The following ZBTB16 variants were observed in gnomAD, a reference collection of about 807,000 sequenced individuals.
ZBTB16 encodes the protein zinc finger and BTB domain-containing protein 16.
ZBTB16 carries 8 observed loss-of-function variants against 56.8 expected under a neutral mutation model. The ratio of observed to expected loss-of-function variants is 0.14; its 90% CI spans 0.08 to 0.25. The LOEUF (loss-of-function observed/expected upper bound fraction) is 0.25, where lower values mean the gene tolerates loss of function less well. Among genes scored for constraint, ZBTB16 ranks in the 10% least tolerant of loss-of-function variants. The pLI, the probability that ZBTB16 is intolerant of heterozygous loss-of-function variation, is 1.00. For synonymous variants in ZBTB16, 363 were observed against 368.5 expected, an observed-to-expected ratio of 0.98 and a Z score of 0.17; for missense variants, 625 against 903.0, an observed-to-expected ratio of 0.69 and a Z score of 3.95.
chr11:114,088,140 CTTTTTT>C (rs10695166), intron 2 of ZBTB16, among the ~76,000 whole-genome samples: 3 of 123,060 alleles, frequency 2.4e-5, no homozygotes, highest in Admixed American at 1.7e-4. Flanking sequence ...CCAGATACTT[CTTTTTT>C]TTTTTTTTTT....
chr11:114,201,403 C>G (rs768039775), intron 4 of ZBTB16, among the ~76,000 whole-genome samples: 5 of 152,086 alleles, frequency 3.3e-5, no homozygotes, highest in Admixed American at 1.3e-4. Flanking sequence ...CTGAGGAATC[C>G]GGGGACCAGT....
intron 2 of ZBTB16, among the ~76,000 whole-genome samples, chr11:114,154,969 A>G (rs1330273855): frequency 6.6e-6 from 1 of 152,112 alleles, no homozygotes; most frequent in Non-Finnish European, 1.5e-5. Flanking sequence ...GTCTTGACAC[A>G]CTGCTGGGTT....
At chr11:114,114,529 G>A (rs1406746616) in intron 2 of ZBTB16, among the ~76,000 whole-genome samples, 1 of 152,140 alleles carries the variant, frequency 6.6e-6, no homozygotes, top group African/African-American at 2.4e-5. Context: ...GTTTGTTTCA[G>A]TTCTTATCAA....
In ZBTB16 at chr11:114,063,405, T is replaced by C. The variant is rs1399330553; in HGVS notation, c.105T>C (p.Asp35=). 6.2e-7 allele frequency: 1 copy of C among 1,614,160 alleles called. No homozygotes were observed. Among genetic ancestry groups the C allele is most frequent in the South Asian group, 1.1e-5 (1 of 91,078 alleles). ...TGCGGCTGGCCGGGACTTTGTGCGATGTGGTCATCATGGTGGACAGCCAGG... is the reference window on the plus strand; with the variant it reads ...TGCGGCTGGCCGGGACTTTGTGCGACGTGGTCATCATGGTGGACAGCCAGG... ...NQMRLAGTLC[D]VVIMVDSQEF... is the part of the protein sequence containing the mutation. The change falls in exon 2 of 7, where the codon GAT becomes GAC. Residue 35 remains aspartate, a synonymous_variant. Coordinates refer to ENST00000335953, the MANE Select transcript of ZBTB16 (RefSeq NM_006006.6). The surrounding 1 kb of genome is among the most constrained non-coding windows in gnomAD (Gnocchi z 6.5).
At chr11:114,191,237 A>G (rs1943486798) in intron 4 of ZBTB16, among the ~76,000 whole-genome samples, 1 of 152,224 alleles carries the variant, frequency 6.6e-6, no homozygotes, top group Non-Finnish European at 1.5e-5. Context: ...TATCCAAACT[A>G]TATTACACCA....
At chr11:114,149,275 A>G (rs1396803588) in intron 2 of ZBTB16, among the ~76,000 whole-genome samples, 1 of 152,170 alleles carries the variant, frequency 6.6e-6, no homozygotes, top group Non-Finnish European at 1.5e-5. Flanking sequence ...ACTCAGCCCG[A>G]TGTATATATA....
chr11:114,237,109 C>T (rs1565702559), intron 4 of ZBTB16: 1 of 152,306 alleles, frequency 6.6e-6, no homozygotes, highest in Non-Finnish European at 1.5e-5. Flanking sequence ...GATCCCAAAA[C>T]CCTGCCCTCT....
chr11:114,062,008 T>TC (rs1273247440), intron 1 of ZBTB16, among the ~76,000 whole-genome samples: 2 of 152,104 alleles, frequency 1.3e-5, no homozygotes, highest in African/African-American at 2.4e-5. Flanking sequence ...GACCCATCCT[T>TC]CTTCGTTTTT....
chr11:114,187,159 GCTGTGAGTAGGATGGGCTT>G (rs1943379940), intron 4 of ZBTB16, 121 bp downstream of exon 4: 2 of 945,056 alleles, frequency 2.1e-6, no homozygotes, highest in Admixed American at 3.9e-5. Context: ...TCCTGGGCGA[GCTGTGAGTAGGATGGGCTT>G]CTGCCACGTT....
At chr11:114,071,447 A>G (rs1939345862) in intron 2 of ZBTB16, among the ~76,000 whole-genome samples, 1 of 152,110 alleles carries the variant, frequency 6.6e-6, no homozygotes, top group African/African-American at 2.4e-5. Context: ...GCTGGGAGGG[A>G]GAAAGCTATA....
chr11:114,185,749 A>C (rs1313166728), intron 3 of ZBTB16, among the ~76,000 whole-genome samples: 6 of 152,146 alleles, frequency 3.9e-5, no homozygotes, highest in Non-Finnish European at 7.4e-5. Context: ...TTGAAGGAAA[A>C]ATGCCAAGAC....
chr11:114,167,239 T>TG (rs1942793508), intron 3 of ZBTB16, among the ~76,000 whole-genome samples: 3 of 136,558 alleles, frequency 2.2e-5, no homozygotes, highest in East Asian at 2.1e-4. Flanking sequence ...TTGGTTTTTT[T>TG]TTTTTTTTTT....
In ZBTB16 at chr11:114,256,396, G is replaced by A. The variant is rs1190367574; in HGVS notation, c.*5841G>A. Reference sequence around the variant, plus strand: ...TACCATGCTAGCGGGCCGCTGAGTCGGAATCCGTGGCTGTGTTAGGATAAC... The same window carrying A: ...TACCATGCTAGCGGGCCGCTGAGTCAGAATCCGTGGCTGTGTTAGGATAAC... On this transcript the variant is annotated 3_prime_UTR_variant, in exon 7 of 7. Coordinates refer to ENST00000335953, the MANE Select transcript of ZBTB16 (RefSeq NM_006006.6). 1.3e-5 allele frequency among the ~76,000 whole-genome samples: 2 copies of A among 152,092 alleles called. No homozygotes were observed. Among genetic ancestry groups the A allele is most frequent in the African/African-American group, 2.4e-5 (1 of 41,402 alleles).
At chr11:114,142,741 G>T (rs970005923) in intron 2 of ZBTB16, among the ~76,000 whole-genome samples, 1 of 149,494 alleles carries the variant, frequency 6.7e-6, no homozygotes, top group Non-Finnish European at 1.5e-5. Flanking sequence ...AGGGAGGATG[G>T]AGGAGCATGG....
chr11:114,070,501 C>T (rs1000915024), intron 2 of ZBTB16, among the ~76,000 whole-genome samples: 1 of 152,198 alleles, frequency 6.6e-6, no homozygotes, highest in Non-Finnish European at 1.5e-5. Context: ...TCTCTATTGA[C>T]AAATGAGGAA....
chr11:114,105,606 G>A (rs1256581079), intron 2 of ZBTB16, among the ~76,000 whole-genome samples: 1 of 152,124 alleles, frequency 6.6e-6, no homozygotes, highest in Non-Finnish European at 1.5e-5. Context: ...AAGAGTTGAG[G>A]TATTGATTTT....
intron 4 of ZBTB16, among the ~76,000 whole-genome samples, chr11:114,233,041 C>CGCCA (rs1944474326): frequency 6.7e-6 from 1 of 149,828 alleles, no homozygotes; most frequent in Non-Finnish European, 1.5e-5. Flanking sequence ...ATCCCCGGCC[C>CGCCA]CACCCACTCT....
rs750494052 is a variant in ZBTB16 at position 114,064,381 on chromosome 11, G to A, written c.1081G>A (p.Ala361Thr). ...SVTSGLHVQP[A>T]LAVSMDFSTY... ...GACCTCTGGCCTCCACGTGCAGCCT[G>A]CCCTGGCTGTCTCCATGGACTTCAG... Residue 361 changes from alanine to threonine, a missense_variant, in exon 2 of 7, where the codon GCC becomes ACC. Physicochemically the swap from Ala to Thr is moderately conservative, Grantham distance 58. Around this residue, in one of 6 missense-constraint regions of ZBTB16, gnomAD observed 384 missense variants for 393.5 expected, o/e 0.98. Coordinates refer to ENST00000335953, the MANE Select transcript of ZBTB16 (RefSeq NM_006006.6). This position sits in a 1 kb window ranked among gnomAD's most constrained non-coding sequence, Gnocchi z 4.2. The A allele has an allele frequency of 6.2e-7, 1 of 1,614,092 alleles. No individual in the cohort carries two copies. Among genetic ancestry groups the A allele is most frequent in the Admixed American group, 1.7e-5 (1 of 60,024 alleles).
At chr11:114,158,158 C>T (rs1030668442) in intron 3 of ZBTB16, among the ~76,000 whole-genome samples, 5 of 152,076 alleles carry the variant, frequency 3.3e-5, no homozygotes, top group Non-Finnish European at 5.9e-5. Context: ...ATTTTTTCTG[C>T]TTTAGCCCAC....
Sources: allele counts gnomAD v4.1 joint callset (sites outside exome capture counted in the v4.1 genomes callset), GRCh38; gene constraint gnomAD v4.1.1; regional missense constraint gnomAD v4.1.1; non-coding constraint Gnocchi (gnomAD v3.1); transcripts MANE v1.5; gene names NCBI Gene and HGNC (gene_info 2026-07-23, HGNC 2026-07-21).